NIFK: variants seen among roughly 807,000 people sequenced by gnomAD.
The protein encoded by NIFK is nucleolar protein interacting with the FHA domain of MKI67.
In NIFK, 16 loss-of-function variants were observed where a neutral mutation model predicts 31.7. The observed-to-expected ratio is 0.50, with a 90% confidence interval of 0.34 to 0.77. The LOEUF (loss-of-function observed/expected upper bound fraction) is 0.77. Among genes scored for constraint, NIFK ranks in the 30% least tolerant of loss-of-function variants. The pLI is 0.01. For synonymous variants in NIFK, 126 were observed against 123.0 expected (o/e 1.02, Z -0.16); for missense variants, 341 against 350.4 (o/e 0.97, Z 0.21).
chr2:121,736,005 G>A (rs1192239152), intron 1 of NIFK, among the ~76,000 whole-genome samples: 2 of 152,128 alleles, frequency 1.3e-5, no homozygotes, highest in African/African-American at 4.8e-5. Flanking sequence ...GGATAAGCAA[G>A]GACATCTTTG....
At position 121,735,594 on chromosome 2, in the gene NIFK, C is replaced by T. The variant is rs187620330; in HGVS notation, c.243+19G>A. 1.8e-5 allele frequency: 29 copies of T among 1,611,332 alleles called. No homozygotes were observed. In the African/African-American group the frequency reaches 2.8e-4, roughly 16 times the overall value. ...ACATTTGAAAAACAAAACATTAAAT[C>T]CAACTGCAAAAATCTTACCCTTTTA... On this transcript the variant is annotated intron_variant, in intron 2 of 6. Coordinates refer to ENST00000285814, the MANE Select transcript of NIFK (RefSeq NM_032390.5).
intron 2 of NIFK, 70 bp from the exon 3 acceptor site, chr2:121,732,274 C>A: frequency 1.1e-6 from 1 of 899,460 alleles, no homozygotes; most frequent in Non-Finnish European, 1.8e-6. Context: ...TCCTAAAATG[C>A]CATTATTTTA....
At chr2:121,732,531 TAAC>T (rs375229862) in intron 2 of NIFK, among the ~76,000 whole-genome samples, 9 of 152,284 alleles carry the variant, frequency 5.9e-5, no homozygotes, top group African/African-American at 1.4e-4. Flanking sequence ...TCACATGGCT[TAAC>T]AGTGGGAATC....
chr2:121,729,011 C>T (rs769122386), intron 4 of NIFK, among the ~76,000 whole-genome samples: 17 of 152,058 alleles, frequency 1.1e-4, no homozygotes, highest in African/African-American at 2.9e-4. Context: ...AATTAACCAC[C>T]GAGAATTGAG....
In NIFK at chr2:121,736,521, T is replaced by C. The variant is rs542183347; in HGVS notation, c.105+225A>G. Among the ~76,000 whole-genome samples, 9 of 152,294 alleles carry C rather than the reference T, an allele frequency of 5.9e-5. No homozygotes were observed. The East Asian group carries it at 1.5e-3, about 26-fold the overall frequency. Reference sequence around the variant, plus strand: ...TCCAGGGCCTCAGCGGCCAAACCCCTCCATCATTTACCGAACAGCGTAAAC... The same window carrying C: ...TCCAGGGCCTCAGCGGCCAAACCCCCCCATCATTTACCGAACAGCGTAAAC... On this transcript the variant is annotated intron_variant, in intron 1 of 6. Transcript: ENST00000285814.
At chr2:121,728,386 T>C (rs771922620) in intron 5 of NIFK, 30 bp from the exon 6 acceptor site, 2 of 1,509,728 alleles carry the variant, frequency 1.3e-6, no homozygotes, top group Non-Finnish European at 1.8e-6. Context: ...CACATCAATT[T>C]GAATATTGAT....
chr2:121,731,107 ATTTTC>A lies in NIFK; in HGVS notation c.353-8_353-4del. On this transcript the variant is annotated splice_region_variant and splice_polypyrimidine_tract_variant and intron_variant, in intron 3 of 6. Transcript: ENST00000285814. ...TTTTTCAGGTGGCATAAAATGACCT[ATTTTC>A]AAAAAGAAAAAAACATAAAGGTATT... is the stretch of plus-strand genomic sequence containing the variant. 6.6e-7 allele frequency: 1 copy of A among 1,521,632 alleles called. No homozygotes were observed. The highest frequency in any genetic ancestry group is 2.1e-5 in the Admixed American group (1 of 48,270). The allele number at this position is 1,521,632 out of a possible 1,614,324, so 94.3% of individuals were successfully genotyped here. A position where few individuals can be genotyped will look rare whatever the true frequency, so the allele number is the denominator to read the frequency against.
chr2:121,729,628 A>G (rs2074523193), intron 4 of NIFK, among the ~76,000 whole-genome samples: 1 of 152,124 alleles, frequency 6.6e-6, no homozygotes, highest in African/African-American at 2.4e-5. Context: ...GCAATGGTAC[A>G]ATCACAGTTC....
chr2:121,728,448 T>C, intron 5 of NIFK, 29 bp downstream of exon 5: 2 of 1,528,994 alleles, frequency 1.3e-6, no homozygotes, highest in Non-Finnish European at 1.8e-6. Context: ...TCTAATATCT[T>C]GCATGTAAAA....
chr2:121,735,862 A>G, intron 1 of NIFK, 112 bp from the exon 2 acceptor site: 2 of 817,136 alleles, frequency 2.4e-6, no homozygotes. Flanking sequence ...TTACCACAGT[A>G]GTAATTAAAG....
chr2:121,733,137 A>G (rs58067631), intron 2 of NIFK, among the ~76,000 whole-genome samples: 18,723 of 149,488 alleles, frequency 0.13, 2,682 homozygotes, highest in African/African-American at 0.35. Context: ...CCAGCACTCC[A>G]GGAGGCCGAG....
chr2:121,736,740 G>T lies in NIFK; in HGVS notation c.105+6C>A, dbSNP rs548520083. On this transcript the variant is annotated splice_donor_region_variant and intron_variant, in intron 1 of 6. Transcript: ENST00000285814. ...GCTCGCAGCCTGGGCCAGGGTGCCT[G>T]CTCACCTGGGTTATGCGCTTGCGAA... 196 of 1,611,674 alleles carry T rather than the reference G, an allele frequency of 1.2e-4. 2 individuals carry two copies. In the South Asian group the frequency reaches 2.1e-3, roughly 17 times the overall value.
At chr2:121,734,164 C>T (rs1017450387) in intron 2 of NIFK, among the ~76,000 whole-genome samples, 2 of 151,816 alleles carry the variant, frequency 1.3e-5, no homozygotes, top group Non-Finnish European at 1.5e-5. Context: ...GGTGCAGTGG[C>T]CGGTACCTGT....
rs182610203 is a variant in NIFK, at chr2:121,735,505, T to C, written c.243+108A>G. The C allele has an allele frequency of 1.9e-4, 234 of 1,207,606 alleles. 2 individuals carry two copies. In the African/African-American group the frequency reaches 3.1e-3, roughly 16 times the overall value. 74.8% of individuals were successfully genotyped at this position (1,207,606 alleles called of 1,614,324 possible). A position where few individuals can be genotyped will look rare whatever the true frequency, so the allele number is the denominator to read the frequency against. On this transcript the variant is annotated intron_variant, in intron 2 of 6. Coordinates refer to ENST00000285814, the MANE Select transcript of NIFK (RefSeq NM_032390.5). ...TCTAAACCTCCTCCACTCTCCTTTT[T>C]GGAATGAAATCTGATAAGCAATAAT...
intron 3 of NIFK, 35 bp downstream of exon 3, chr2:121,732,061 C>A (rs1379802050): frequency 1.5e-6 from 2 of 1,304,612 alleles, no homozygotes; most frequent in Non-Finnish European, 2.2e-6. Context: ...ACAGCAGGCA[C>A]CCAGGCAACC....
chr2:121,730,271 G>A (rs570565188), intron 4 of NIFK: 2 of 155,182 alleles, frequency 1.3e-5, no homozygotes, highest in South Asian at 2.0e-4. Context: ...AGTGGCTCAC[G>A]CCTGTAATCC....
At chr2:121,730,825 T>C (rs1003531795) in intron 4 of NIFK, 68 bp downstream of exon 4, 4 of 1,063,356 alleles carry the variant, frequency 3.8e-6, no homozygotes, top group East Asian at 4.7e-5. Flanking sequence ...CTAGGTACTT[T>C]ACAAGGTACA....
chr2:121,736,668 G>A lies in NIFK; in HGVS notation c.105+78C>T, dbSNP rs527567755. 4,608 of 1,288,336 alleles carry A rather than the reference G, an allele frequency of 3.6e-3. 14 individuals carry two copies. The highest frequency in any genetic ancestry group is 4.8e-3 in the Non-Finnish European group (4,289 of 886,568). 79.8% of individuals were successfully genotyped at this position (1,288,336 alleles called of 1,614,324 possible). On this transcript the variant is annotated intron_variant, in intron 1 of 6. Coordinates refer to ENST00000285814, the MANE Select transcript of NIFK (RefSeq NM_032390.5). ...ACGAAGGCAAGGGGCGCCCGGGCCG[G>A]AAACCGTGCAACCCCAGATACCCTC... is the stretch of plus-strand genomic sequence containing the variant.
At chr2:121,734,595 A>T (rs1311977276) in intron 2 of NIFK, among the ~76,000 whole-genome samples, 1 of 152,144 alleles carries the variant, frequency 6.6e-6, no homozygotes, top group African/African-American at 2.4e-5. Context: ...GTTCGAGACC[A>T]GCCTGGCCAA....
Sources: gnomAD v4.1 joint callset for allele counts (sites outside exome capture counted in the v4.1 genomes callset) on GRCh38, gnomAD v4.1.1 for gene constraint, MANE v1.5 for transcripts, NCBI Gene and HGNC (gene_info 2026-07-23, HGNC 2026-07-21) for gene names.